Variants in CHD5 observed in about 807,000 individuals in gnomAD.
CHD5 encodes ATP-dependent chromatin remodeler CHD5.
In CHD5, 69 loss-of-function variants were observed where a neutral mutation model predicts 230.3. The ratio of observed to expected loss-of-function variants is 0.30; its 90% CI spans 0.25 to 0.37. CHD5 has a LOEUF of 0.37. CHD5 is among the 10% of genes least tolerant of loss of function. CHD5 has a pLI of 1.00. For missense variants in CHD5, 1,827 were observed against 2,622.8 expected (o/e 0.70, Z 6.63); for synonymous variants, 1,064 against 1,065.9 (o/e 1.00, Z 0.03).
intron 2 of CHD5, among the ~76,000 whole-genome samples, chr1:6,161,926 C>T (rs1049468627): frequency 9.2e-5 from 14 of 152,220 alleles, no homozygotes; most frequent in Admixed American, 1.3e-4. Flanking sequence ...GAGGGACCCA[C>T]GGTTAATCCT....
chr1:6,121,352 G>T lies in CHD5; in HGVS notation c.4780-115C>A. 6.6e-7 allele frequency: 1 copy of T among 1,505,122 alleles called. No homozygotes were observed. The highest frequency in any genetic ancestry group is 9.1e-7 in the Non-Finnish European group (1 of 1,102,380). 93.2% of individuals were successfully genotyped at this position (1,505,122 alleles called of 1,614,324 possible). ...TCCTGGCTCCCGTCGCTTGCTCCTA[G>T]CCTGCTCCCCGCCGATTCAGAGCCC... On this transcript the variant is annotated intron_variant, in intron 32 of 41. Transcript: ENST00000262450. This position sits in a 1 kb window ranked among gnomAD's most constrained non-coding sequence, Gnocchi z 4.5.
At chr1:6,109,117 C>T (rs1189711574) in intron 38 of CHD5, among the ~76,000 whole-genome samples, 2 of 152,076 alleles carry the variant, frequency 1.3e-5, no homozygotes, top group African/African-American at 2.4e-5. Flanking sequence ...CCCCTCTGGG[C>T]TGGGCAAGGG....
chr1:6,121,395 G>A lies in CHD5; in HGVS notation c.4779+99C>T. 1.4e-6 allele frequency: 2 copies of A among 1,480,230 alleles called. No individual in the cohort carries two copies. The highest frequency in any genetic ancestry group is 1.2e-5 in the South Asian group (1 of 85,638). The allele number at this position is 1,480,230 out of a possible 1,614,324, so 91.7% of individuals were successfully genotyped here. ...CAGAGCCCCGAAAAGGGAGCCAGGA[G>A]GCCTGGGTTCCACCTCGCTGTACAG... On this transcript the variant is annotated intron_variant, in intron 32 of 41. Coordinates refer to ENST00000262450, the MANE Select transcript of CHD5 (RefSeq NM_015557.3). This position sits in a 1 kb window ranked among gnomAD's most constrained non-coding sequence, Gnocchi z 4.5.
chr1:6,109,193 T>C (rs916847826), intron 38 of CHD5, among the ~76,000 whole-genome samples: 2 of 152,024 alleles, frequency 1.3e-5, no homozygotes, highest in Non-Finnish European at 2.9e-5. Flanking sequence ...CTAAGAGTTC[T>C]CAGGGAGACC....
At chr1:6,174,620 T>C (rs910032527) in intron 1 of CHD5, among the ~76,000 whole-genome samples, 1 of 147,828 alleles carries the variant, frequency 6.8e-6, no homozygotes, top group African/African-American at 2.5e-5. Flanking sequence ...GAATGGATGG[T>C]GGATAGATGG....
At chr1:6,138,836 G>T (rs1430122544) in intron 15 of CHD5, among the ~76,000 whole-genome samples, 1 of 152,220 alleles carries the variant, frequency 6.6e-6, no homozygotes. Context: ...CAGCGTTACT[G>T]ACGACCACTA....
chr1:6,110,674 G>A, intron 36 of CHD5, 148 bp from the exon 37 acceptor site: 1 of 778,450 alleles, frequency 1.3e-6, no homozygotes, highest in Non-Finnish European at 2.1e-6. Context: ...AGCTGCACGA[G>A]GAACATATTG....
chr1:6,146,363 G>A lies in CHD5; in HGVS notation c.1651C>T (p.Pro551Ser), dbSNP rs1489955359. 6 of 1,614,026 alleles carry A rather than the reference G, an allele frequency of 3.7e-6. No individual in the cohort carries two copies. Among genetic ancestry groups the A allele is most frequent in the African/African-American group, 1.3e-5 (1 of 74,912 alleles). Residue 551 changes from proline to serine, a missense_variant, in exon 11 of 42, where the codon CCG (proline) becomes TCG (serine). Physicochemically the swap from Pro to Ser is moderately conservative, Grantham distance 74. This residue lies in a region of CHD5 where 657 missense variants were observed against 816.4 expected (regional missense o/e 0.80). Coordinates refer to ENST00000262450, the MANE Select transcript of CHD5 (RefSeq NM_015557.3). This position sits in a 1 kb window ranked among gnomAD's most constrained non-coding sequence, Gnocchi z 5.1. Reference sequence around the variant, plus strand: ...CCAGAGCCGTAGTCAAAGGGGGGCGGCTCATCCATGTCGTTCTTTCTTTGG... The same window carrying A: ...CCAGAGCCGTAGTCAAAGGGGGGCGACTCATCCATGTCGTTCTTTCTTTGG... ...NYQRKNDMDE[P>S]PPFDYGSGDE...
At chr1:6,135,464 G>A (rs1666723101) in intron 17 of CHD5, 61 bp from the exon 18 acceptor site, 4 of 1,490,132 alleles carry the variant, frequency 2.7e-6, no homozygotes, top group African/African-American at 1.4e-5. Context: ...GAGGCAGGGT[G>A]CAGAGCGCCT....
chr1:6,126,732 C>A lies in CHD5; in HGVS notation c.3918G>T (p.Arg1306=). Residue 1306 remains arginine (R), a synonymous_variant, in exon 26 of 42, where the codon CGG becomes CGT. Transcript: ENST00000262450. The surrounding 1 kb of genome is among the most constrained non-coding windows in gnomAD (Gnocchi z 5.7). ...CGTTCTCCTCCTGCTTGATGATTTC[C>A]CGCTCCACCTCCTCCTGGGGACGCA... ...REEDGVEEVE[R]EIIKQEENVD... The A allele has an allele frequency of 2.5e-6, 4 of 1,613,592 alleles. No homozygotes were observed. Among genetic ancestry groups the A allele is most frequent in the Non-Finnish European group, 2.5e-6 (3 of 1,179,716 alleles).
chr1:6,166,296 T>G (rs1430745752), intron 2 of CHD5, among the ~76,000 whole-genome samples: 6 of 136,906 alleles, frequency 4.4e-5, no homozygotes, highest in South Asian at 2.3e-4. Flanking sequence ...GGGCTTGGAG[T>G]GGCAGCAGTG....
In CHD5 at chr1:6,121,381, A is replaced by G; in HGVS notation, c.4779+113T>C. On this transcript the variant is annotated intron_variant, in intron 32 of 41. Transcript: ENST00000262450. This position sits in a 1 kb window ranked among gnomAD's most constrained non-coding sequence, Gnocchi z 4.5. Reference sequence around the variant, plus strand: ...GCTCCCCGCCGATTCAGAGCCCCGAAAAGGGAGCCAGGAGGCCTGGGTTCC... The same window carrying G: ...GCTCCCCGCCGATTCAGAGCCCCGAGAAGGGAGCCAGGAGGCCTGGGTTCC... 6.7e-7 allele frequency: 1 copy of G among 1,494,756 alleles called. No individual in the cohort carries two copies. Among genetic ancestry groups the G allele is most frequent in the Non-Finnish European group, 9.2e-7 (1 of 1,087,052 alleles). 92.6% of individuals were successfully genotyped at this position (1,494,756 alleles called of 1,614,324 possible).
intron 7 of CHD5, among the ~76,000 whole-genome samples, chr1:6,150,014 TG>T (rs1666977139): frequency 1.3e-5 from 2 of 148,728 alleles, no homozygotes; most frequent in East Asian, 2.0e-4. Context: ...GATGGATGGA[TG>T]GATGGATGGA....
intron 6 of CHD5, 138 bp downstream of exon 6, chr1:6,152,274 A>G (rs1667018450): frequency 1.1e-6 from 1 of 894,120 alleles, no homozygotes. Context: ...TGTAGGATGG[A>G]AGGAGAATAG....
intron 11 of CHD5, among the ~76,000 whole-genome samples, chr1:6,144,994 T>C (rs1391071464): frequency 6.6e-6 from 1 of 152,150 alleles, no homozygotes; most frequent in Admixed American, 6.5e-5. Flanking sequence ...AAAACTACCA[T>C]GTATATTTTT....
At chr1:6,110,335 G>T in intron 37 of CHD5, 59 bp downstream of exon 37, 3 of 1,595,200 alleles carry the variant, frequency 1.9e-6, no homozygotes, top group Non-Finnish European at 2.6e-6. Context: ...CCTTTGCGAG[G>T]GTCCTCCTGA....
chr1:6,142,901 C>G lies in CHD5; in HGVS notation c.2044-296G>C, dbSNP rs542599873. Among the ~76,000 whole-genome samples, 2 of 152,300 alleles carry G rather than the reference C, an allele frequency of 1.3e-5. No homozygotes were observed. Among genetic ancestry groups the G allele is most frequent in the Non-Finnish European group, 2.9e-5 (2 of 68,032 alleles). On this transcript the variant is annotated intron_variant, in intron 13 of 41. Coordinates refer to ENST00000262450, the MANE Select transcript of CHD5 (RefSeq NM_015557.3). This position sits in a 1 kb window ranked among gnomAD's most constrained non-coding sequence, Gnocchi z 5.2. ...GACTCTGAGCCCAGGTTGTCATCAC[C>G]ACCTTGGTCCTGTTCACTGCCTCCT... is the stretch of plus-strand genomic sequence containing the variant.
In CHD5 at chr1:6,101,926, G is replaced by C. The variant is rs2100820585; in HGVS notation, c.*3548C>G. On this transcript the variant is annotated 3_prime_UTR_variant, in exon 42 of 42. Transcript: ENST00000262450. ...AGACCAGACAAGCCACGGCTCACAG[G>C]GGAGCCTGGCTTCCAAAGCTGGACC... is the stretch of plus-strand genomic sequence containing the variant. The C allele has an allele frequency of 2.5e-6, 1 of 394,272 alleles. No individual in the cohort carries two copies. The highest frequency in any genetic ancestry group is 1.2e-4 in the East Asian group (1 of 8,102). 24.4% of individuals were successfully genotyped at this position (394,272 alleles called of 1,614,324 possible).
intron 15 of CHD5, among the ~76,000 whole-genome samples, chr1:6,138,038 C>T (rs1666771135): frequency 6.6e-6 from 1 of 152,208 alleles, no homozygotes; most frequent in South Asian, 2.1e-4. Flanking sequence ...AGGGTCTGCA[C>T]TCTCCCGGTG....
Sources: allele counts gnomAD v4.1 joint callset (sites outside exome capture counted in the v4.1 genomes callset), GRCh38; gene constraint gnomAD v4.1.1; regional missense constraint gnomAD v4.1.1; non-coding constraint Gnocchi (gnomAD v3.1); transcripts MANE v1.5; gene names NCBI Gene and HGNC (gene_info 2026-07-23, HGNC 2026-07-21).